The following XRCC5 variants were observed in gnomAD, a reference collection of about 807,000 sequenced individuals.
XRCC5 encodes DNA repair protein Ku80.
A neutral mutation model predicts 95.7 loss-of-function variants in XRCC5; 12 were observed. The ratio of observed to expected loss-of-function variants is 0.13; its 90% confidence interval spans 0.08 to 0.20. The LOEUF (loss-of-function observed/expected upper bound fraction) is 0.20, where lower values mean the gene tolerates loss of function less well. Ranked by LOEUF, XRCC5 falls within the 10% of genes least tolerant of loss-of-function variation. The pLI, the probability that XRCC5 is intolerant of heterozygous loss-of-function variation, is 1.00. For missense variants in XRCC5, 595 were observed against 873.9 expected, an observed-to-expected ratio of 0.68 and a Z score of 4.02; for synonymous variants, 281 against 290.3, an observed-to-expected ratio of 0.97 and a Z score of 0.33.
intron 5 of XRCC5, among the ~76,000 whole-genome samples, chr2:216,119,713 G>A (rs900262177): frequency 1.3e-5 from 2 of 152,166 alleles, no homozygotes; most frequent in African/African-American, 4.8e-5. Flanking sequence ...TTCAGAGATG[G>A]AGTATAAAAC....
At position 216,179,147 on chromosome 2, in the gene XRCC5, A is replaced by G. The variant is rs185361290; in HGVS notation, c.1835-11078A>G. On this transcript the variant is annotated intron_variant, in intron 16 of 20. Transcript: ENST00000392132. The stretch of plus-strand genomic sequence containing the variant: ...ACAGGACTGCTTCCTTCTGAGAGGT[A>G]TGGGGGAGAATCTGTTCAATGCTCT... 2.0e-5 allele frequency among the ~76,000 whole-genome samples: 3 copies of G among 152,302 alleles called. No individual in the cohort carries two copies. In the East Asian group the frequency reaches 5.8e-4, roughly 29 times the overall value.
chr2:216,117,157 T>C (rs1696712412), intron 3 of XRCC5: 1 of 261,964 alleles, frequency 3.8e-6, no homozygotes, highest in East Asian at 7.1e-5. Context: ...TTAGTGGTGC[T>C]CGTTAGAAAT....
chr2:216,197,912 G>A (rs1222202575), intron 19 of XRCC5, among the ~76,000 whole-genome samples: 1 of 152,084 alleles, frequency 6.6e-6, no homozygotes, highest in African/African-American at 2.4e-5. Context: ...CATTCACATT[G>A]TATGGTGTTT....
intron 16 of XRCC5, among the ~76,000 whole-genome samples, chr2:216,181,978 A>T (rs1411646014): frequency 6.6e-6 from 1 of 152,222 alleles, no homozygotes; most frequent in Non-Finnish European, 1.5e-5. Context: ...ATACCGTATA[A>T]ACCAAGGCAT....
At chr2:216,136,340 G>T (rs976818117) in intron 10 of XRCC5, among the ~76,000 whole-genome samples, 25 of 126,212 alleles carry the variant, frequency 2.0e-4, no homozygotes, top group Non-Finnish European at 3.4e-4. Context: ...TGGGCAACAA[G>T]AGCGAAACTG....
intron 1 of XRCC5, among the ~76,000 whole-genome samples, chr2:216,111,143 G>A (rs1188100206): frequency 6.6e-6 from 1 of 152,162 alleles, no homozygotes; most frequent in Non-Finnish European, 1.5e-5. Context: ...CTCGTATGGA[G>A]TCGCATCAGT....
chr2:216,176,643 T>A (rs1273185067), intron 16 of XRCC5, among the ~76,000 whole-genome samples: 2 of 152,216 alleles, frequency 1.3e-5, no homozygotes, highest in Non-Finnish European at 2.9e-5. Context: ...ATGGATTTTA[T>A]CTTTTTAAGA....
chr2:216,203,202 A>T (rs1689873719), intron 19 of XRCC5, among the ~76,000 whole-genome samples: 1 of 152,008 alleles, frequency 6.6e-6, no homozygotes, highest in African/African-American at 2.4e-5. Flanking sequence ...TGCTCCATGC[A>T]CTCTCAGCCT....
intron 3 of XRCC5, chr2:216,117,097 G>C (rs1696711317): frequency 3.9e-6 from 2 of 507,224 alleles, no homozygotes; most frequent in South Asian, 5.3e-5. Context: ...GCATAGGAAG[G>C]GGGAAGATCC....
At chr2:216,198,409 T>C (rs1458444706) in intron 19 of XRCC5, among the ~76,000 whole-genome samples, 1 of 152,176 alleles carries the variant, frequency 6.6e-6, no homozygotes, top group Non-Finnish European at 1.5e-5. Flanking sequence ...TAGTGGTGAG[T>C]ACCCCCACCT....
intron 16 of XRCC5, among the ~76,000 whole-genome samples, chr2:216,166,504 T>C (rs1689056893): frequency 6.6e-6 from 1 of 152,210 alleles, no homozygotes; most frequent in South Asian, 2.1e-4. Context: ...CATACACTAT[T>C]CATAAGCACA....
chr2:216,176,048 G>A (rs1203041027), intron 16 of XRCC5: 1 of 198,066 alleles, frequency 5.0e-6, no homozygotes, highest in Non-Finnish European at 1.0e-5. Flanking sequence ...GACTAGACTT[G>A]CCTCCTCCAA....
chr2:216,190,134 C>G, intron 16 of XRCC5, 91 bp from the exon 17 acceptor site: 1 of 1,070,440 alleles, frequency 9.3e-7, no homozygotes, highest in East Asian at 2.5e-5. Flanking sequence ...GGCTTGTGAA[C>G]TATAATACAT....
chr2:216,160,268 T>C (rs1438435250), intron 15 of XRCC5, 107 bp downstream of exon 15: 10 of 659,268 alleles, frequency 1.5e-5, no homozygotes, highest in Non-Finnish European at 2.2e-5. Context: ...CAAGTTAAGA[T>C]CATGATCACT....
intron 16 of XRCC5, among the ~76,000 whole-genome samples, chr2:216,184,169 G>T (rs954950113): frequency 6.6e-5 from 10 of 152,028 alleles, no homozygotes; most frequent in African/African-American, 2.2e-4. Context: ...CATGGGAAGT[G>T]CTCAGTTGCA....
chr2:216,131,014 C>T (rs753888395), intron 9 of XRCC5, 27 bp downstream of exon 9: 1 of 1,560,004 alleles, frequency 6.4e-7, no homozygotes, highest in South Asian at 1.1e-5. Flanking sequence ...ACTAAATGAG[C>T]TTTTTCCTAG....
chr2:216,121,227 C>T (rs1696803943), intron 5 of XRCC5, among the ~76,000 whole-genome samples: 1 of 152,184 alleles, frequency 6.6e-6, no homozygotes, highest in South Asian at 2.1e-4. Context: ...ACACTTTCCT[C>T]CCTGGAAACT....
chr2:216,161,879 T>C, intron 15 of XRCC5, 100 bp from the exon 16 acceptor site: 1 of 971,940 alleles, frequency 1.0e-6, no homozygotes, highest in Admixed American at 2.1e-5. Context: ...GGTTTTATTT[T>C]ATAAGAGCAC....
chr2:216,151,669 T>C (rs1035657743), intron 14 of XRCC5, among the ~76,000 whole-genome samples: 1 of 152,224 alleles, frequency 6.6e-6, no homozygotes, highest in African/African-American at 2.4e-5. Flanking sequence ...CAGTGTATGC[T>C]GTTCACTCTT....
Sources: allele counts gnomAD v4.1 joint callset (sites outside exome capture counted in the v4.1 genomes callset), GRCh38; gene constraint gnomAD v4.1.1; transcripts MANE v1.5; gene names NCBI Gene and HGNC (gene_info 2026-07-23, HGNC 2026-07-21).